The following PALS2 variants were observed in gnomAD, a reference collection of about 807,000 sequenced individuals.
PALS2 encodes the protein protein associated with LIN7 2, MAGUK p55 family member.
Under a neutral mutation model 61.6 loss-of-function variants are expected in PALS2, and 27 were observed. The observed-to-expected ratio is 0.44, with a 90% confidence interval of 0.32 to 0.60. The LOEUF is 0.60. PALS2 is among the 20% of genes least tolerant of loss of function. PALS2 has a pLI of 0.05. For missense variants in PALS2, 554 were observed against 639.4 expected (o/e 0.87, Z 1.44); for synonymous variants, 236 against 218.6 (o/e 1.08, Z -0.70).
intron 8 of PALS2, among the ~76,000 whole-genome samples, chr7:24,666,452 G>A (rs562860558): frequency 6.6e-6 from 1 of 152,242 alleles, no homozygotes; most frequent in Admixed American, 6.5e-5. Context: ...TGTTAAAAGA[G>A]TTATGTTTAG....
chr7:24,639,814 ATT>A (rs61073575), intron 2 of PALS2, among the ~76,000 whole-genome samples: 130 of 96,244 alleles, frequency 1.4e-3, no homozygotes, highest in African/African-American at 5.2e-3. Flanking sequence ...TTCTAGTCTA[ATT>A]TTTTTTTTTT....
chr7:24,583,019 T>A (rs1044490286), intron 1 of PALS2, among the ~76,000 whole-genome samples: 1 of 150,398 alleles, frequency 6.6e-6, no homozygotes, highest in South Asian at 2.1e-4. Context: ...CTCAGCTTCC[T>A]GAGTGGCTGG....
intron 1 of PALS2, among the ~76,000 whole-genome samples, chr7:24,622,257 TG>T: frequency 6.6e-6 from 1 of 152,046 alleles, no homozygotes. Context: ...TAGGTTAATT[TG>T]GGAATTGTTG....
At chr7:24,578,111 TA>T (rs1035662042) in intron 1 of PALS2, among the ~76,000 whole-genome samples, 52 of 146,450 alleles carry the variant, frequency 3.6e-4, no homozygotes, top group Non-Finnish European at 3.2e-4. Flanking sequence ...CCGAGCTAAT[TA>T]AAAAAAAAAA....
chr7:24,634,699 G>T (rs1190058436), intron 2 of PALS2, among the ~76,000 whole-genome samples: 1 of 152,122 alleles, frequency 6.6e-6, no homozygotes, highest in African/African-American at 2.4e-5. Flanking sequence ...TTAGGTGTTG[G>T]ATCCATTTTA....
intron 2 of PALS2, 55 bp from the exon 3 acceptor site, chr7:24,641,661 T>G (rs1165346906): frequency 7.1e-7 from 1 of 1,413,218 alleles, no homozygotes; most frequent in Non-Finnish European, 9.6e-7. Context: ...TAAACCATGG[T>G]CTGGTGCAAA....
intron 1 of PALS2, among the ~76,000 whole-genome samples, chr7:24,616,525 C>T (rs888421194): frequency 8.5e-5 from 13 of 152,096 alleles, no homozygotes; most frequent in Admixed American, 2.0e-4. Flanking sequence ...TATCTTTTTT[C>T]ATCTCTTTGC....
In PALS2 at chr7:24,624,228, A is replaced by G. The variant is rs970439817; in HGVS notation, c.117+444A>G. 75 of 906,122 alleles carry G rather than the reference A, an allele frequency of 8.3e-5. 1 individual carries two copies. The highest frequency in any genetic ancestry group is 3.9e-4 in the Middle Eastern group (1 of 2,548). The allele number at this position is 906,122 out of a possible 1,614,324, so 56.1% of individuals were successfully genotyped here. A position where few individuals can be genotyped will look rare whatever the true frequency, so the allele number is the denominator to read the frequency against. On this transcript the variant is annotated intron_variant, in intron 2 of 11. Coordinates refer to ENST00000222644, the MANE Select transcript of PALS2 (RefSeq NM_001303037.2). ...ATTTGTTGCATAAGCCTGGTATTTT[A>G]AGTCTGTTTCCCTAGTCAACTCTGG...
At chr7:24,645,915 C>G (rs893141150) in intron 3 of PALS2, among the ~76,000 whole-genome samples, 3 of 151,946 alleles carry the variant, frequency 2.0e-5, no homozygotes, top group Non-Finnish European at 4.4e-5. Context: ...TTGGCTCTTC[C>G]TTTGGCTGTT....
In PALS2 at chr7:24,623,200, G is replaced by GTT. The variant is rs375157787; in HGVS notation, c.-2-451_-2-450dup. Among the ~76,000 whole-genome samples, 330 of 128,314 alleles carry GTT rather than the reference G, an allele frequency of 2.6e-3. 2 individuals are homozygous for GTT. The highest frequency in any genetic ancestry group is 8.2e-3 in the African/African-American group (294 of 35,732). 84.2% of individuals were successfully genotyped at this position (128,314 alleles called of 152,430 possible). On this transcript the variant is annotated intron_variant, in intron 1 of 11. Transcript: ENST00000222644. ...GTTGGAAGGTGTTTCCTTCTCTTCC[G>GTT]TTTTTTTTTTTTTTTTGAAGGAGTT...
At chr7:24,604,590 A>G (rs190294021) in intron 1 of PALS2, among the ~76,000 whole-genome samples, 14 of 152,324 alleles carry the variant, frequency 9.2e-5, no homozygotes, top group Admixed American at 3.9e-4. Context: ...GTGGCCCCAA[A>G]CCATCTCAAA....
chr7:24,663,752 A>G (rs1786863798), intron 6 of PALS2, 31 bp downstream of exon 6: 2 of 1,584,736 alleles, frequency 1.3e-6, no homozygotes. Flanking sequence ...TTCCTCAGCT[A>G]CTTTTCTAAT....
At chr7:24,656,851 A>G (rs1786445644) in intron 5 of PALS2, among the ~76,000 whole-genome samples, 1 of 151,954 alleles carries the variant, frequency 6.6e-6, no homozygotes, top group African/African-American at 2.4e-5. Context: ...CTTTGTGTCC[A>G]CTTCTCATTC....
chr7:24,673,489 T>A (rs573897749), intron 9 of PALS2, among the ~76,000 whole-genome samples: 2 of 152,272 alleles, frequency 1.3e-5, no homozygotes, highest in South Asian at 4.1e-4. Context: ...ATTCTTTCAA[T>A]GTTTGATGAA....
At chr7:24,616,065 T>C (rs1784283961) in intron 1 of PALS2, among the ~76,000 whole-genome samples, 1 of 152,122 alleles carries the variant, frequency 6.6e-6, no homozygotes. Context: ...ATAATGGCCA[T>C]ATATGGCAAA....
chr7:24,640,569 TTGA>T (rs1785478996), intron 2 of PALS2, among the ~76,000 whole-genome samples: 1 of 152,228 alleles, frequency 6.6e-6, no homozygotes, highest in African/African-American at 2.4e-5. Flanking sequence ...GAATTAAATT[TTGA>T]TAATTACGCT....
chr7:24,648,780 C>CA (rs1346286349), intron 3 of PALS2, among the ~76,000 whole-genome samples: 1 of 151,768 alleles, frequency 6.6e-6, no homozygotes, highest in African/African-American at 2.4e-5. Context: ...TGGCATGCGC[C>CA]TGTAGTCCCA....
At chr7:24,632,961 A>T (rs1785063974) in intron 2 of PALS2, among the ~76,000 whole-genome samples, 1 of 152,126 alleles carries the variant, frequency 6.6e-6, no homozygotes, top group African/African-American at 2.4e-5. Flanking sequence ...AATCTAATAC[A>T]CTTTCGAATA....
chr7:24,606,919 T>C (rs758305624), intron 1 of PALS2, among the ~76,000 whole-genome samples: 9 of 152,226 alleles, frequency 5.9e-5, no homozygotes, highest in Non-Finnish European at 1.2e-4. Context: ...ACACTTTGTG[T>C]ACATAGCATG....
Sources: gnomAD v4.1 joint callset for allele counts (sites outside exome capture counted in the v4.1 genomes callset) on GRCh38, gnomAD v4.1.1 for gene constraint, MANE v1.5 for transcripts, NCBI Gene and HGNC (gene_info 2026-07-23, HGNC 2026-07-21) for gene names.